DLG2: variants seen among roughly 807,000 people sequenced by gnomAD.
DLG2 encodes discs large MAGUK scaffold protein 2.
Under a neutral mutation model 132.5 loss-of-function variants are expected in DLG2, and 45 were observed. The ratio of observed to expected loss-of-function variants is 0.34; its 90% CI spans 0.27 to 0.44. DLG2 has a LOEUF of 0.44. Among genes scored for constraint, DLG2 ranks in the 20% least tolerant of loss-of-function variants. The pLI is 1.00. For missense variants in DLG2, 1,045 were observed against 1,196.9 expected (o/e 0.87, Z 1.87); for synonymous variants, 424 against 419.6 (o/e 1.01, Z -0.13).
At chr11:84,293,022 T>A (rs2098028070) in intron 7 of DLG2, among the ~76,000 whole-genome samples, 1 of 152,144 alleles carries the variant, frequency 6.6e-6, no homozygotes, top group Non-Finnish European at 1.5e-5. Flanking sequence ...GGTTTAAAGT[T>A]GGTCAGTGAG....
chr11:84,148,407 C>T (rs924838895), intron 9 of DLG2, among the ~76,000 whole-genome samples: 8 of 152,042 alleles, frequency 5.3e-5, no homozygotes, highest in South Asian at 2.1e-4. Flanking sequence ...CCCCAGTTAT[C>T]TATTGTTCCC....
At chr11:84,296,424 A>G (rs2098089468) in intron 7 of DLG2, among the ~76,000 whole-genome samples, 1 of 152,148 alleles carries the variant, frequency 6.6e-6, no homozygotes, top group Non-Finnish European at 1.5e-5. Context: ...GATGTGTTCC[A>G]GAGATGTACT....
chr11:84,118,931 GC>G (rs1313613144), intron 9 of DLG2, among the ~76,000 whole-genome samples: 6 of 152,118 alleles, frequency 3.9e-5, no homozygotes, highest in Non-Finnish European at 7.4e-5. Context: ...GCCACATTCT[GC>G]CACTTTCAAT....
Position 83,459,821 on chromosome 11 carries a change from T to C in DLG2, c.2925A>G (p.Leu975=). ...TGTCAGAGGCGCAGTAGCTAATTTA[T>C]AACTTTTCCTTTGAGGGAATCCAGA... The part of the protein sequence containing the change: ...PFIWIPSKEK[L] The change falls in exon 28 of 28, where the codon TTA becomes TTG. Residue 975 remains leucine, a synonymous_variant. Transcript: ENST00000376104. The C allele has an allele frequency of 3.2e-6, 5 of 1,585,328 alleles. No homozygotes were observed. The highest frequency in any genetic ancestry group is 4.3e-6 in the Non-Finnish European group (5 of 1,153,712).
At chr11:85,531,061 T>C (rs1388831470) in intron 3 of DLG2, among the ~76,000 whole-genome samples, 1 of 152,200 alleles carries the variant, frequency 6.6e-6, no homozygotes, top group African/African-American at 2.4e-5. Flanking sequence ...TAAATGAAAA[T>C]AGAAGAAACT....
chr11:83,624,133 A>C (rs1474354145), intron 19 of DLG2, among the ~76,000 whole-genome samples: 1 of 152,188 alleles, frequency 6.6e-6, no homozygotes, highest in African/African-American at 2.4e-5. Context: ...AGTCTAGCAG[A>C]GTGTGAGGTA....
Position 84,714,526 on chromosome 11 carries a change from CCTCTTT to C in DLG2, c.358-179801_358-179796del, listed in dbSNP as rs71036438. On this transcript the variant is annotated intron_variant, in intron 6 of 27. Coordinates refer to ENST00000376104, the MANE Select transcript of DLG2 (RefSeq NM_001142699.3). ...GAGGCTGGGAGCCCACAACCCATTTCCTCTTTCTCTTTCTCTTTCTCTTTCTCTCTC... is the reference window on the plus strand; with the variant it reads ...GAGGCTGGGAGCCCACAACCCATTTCCTCTTTCTCTTTCTCTTTCTCTCTC... Among the ~76,000 whole-genome samples, 397 of 133,736 alleles carry C rather than the reference CCTCTTT, an allele frequency of 3.0e-3. 5 individuals are homozygous for C. Among genetic ancestry groups the C allele is most frequent in the Middle Eastern group, 0.025 (7 of 282 alleles). 87.7% of individuals were successfully genotyped at this position (133,736 alleles called of 152,430 possible). A position where few individuals can be genotyped will look rare whatever the true frequency, so the allele number is the denominator to read the frequency against.
intron 9 of DLG2, among the ~76,000 whole-genome samples, chr11:84,122,439 A>C (rs974379097): frequency 3.9e-5 from 6 of 152,206 alleles, no homozygotes; most frequent in African/African-American, 1.2e-4. Context: ...CTGATTAGTC[A>C]ACTGATGACC....
intron 15 of DLG2, among the ~76,000 whole-genome samples, chr11:83,883,413 T>C (rs1489844253): frequency 6.6e-6 from 1 of 152,244 alleles, no homozygotes; most frequent in East Asian, 1.9e-4. Flanking sequence ...TCATCCATAC[T>C]TTCCATGCTG....
intron 19 of DLG2, among the ~76,000 whole-genome samples, chr11:83,566,113 G>C (rs1209469674): frequency 6.6e-6 from 1 of 152,216 alleles, no homozygotes; most frequent in African/African-American, 2.4e-5. Flanking sequence ...TTTCCCAGAA[G>C]AAGGGTACAC....
chr11:85,613,347 C>T (rs1218163675), intron 2 of DLG2, among the ~76,000 whole-genome samples: 1 of 152,176 alleles, frequency 6.6e-6, no homozygotes, highest in Non-Finnish European at 1.5e-5. Flanking sequence ...AAAGAGTTAA[C>T]CTCTGGAGGA....
At chr11:85,060,850 T>C (rs1052253620) in intron 6 of DLG2, among the ~76,000 whole-genome samples, 1 of 151,786 alleles carries the variant, frequency 6.6e-6, no homozygotes, top group Admixed American at 6.6e-5. Flanking sequence ...TGTTATCTTC[T>C]GGGTTTTTCT....
intron 9 of DLG2, among the ~76,000 whole-genome samples, chr11:84,159,832 T>G (rs2095507608): frequency 6.6e-6 from 1 of 152,168 alleles, no homozygotes; most frequent in Non-Finnish European, 1.5e-5. Flanking sequence ...AAGATCTGAC[T>G]GATTTTGTAA....
chr11:85,165,077 AC>A (rs1418672173), intron 4 of DLG2, among the ~76,000 whole-genome samples: 1 of 152,204 alleles, frequency 6.6e-6, no homozygotes, highest in Non-Finnish European at 1.5e-5. Context: ...GATCTAGTTA[AC>A]AAATGTTAAA....
At chr11:84,601,332 G>A (rs2099576159) in intron 6 of DLG2, among the ~76,000 whole-genome samples, 1 of 152,026 alleles carries the variant, frequency 6.6e-6, no homozygotes. Context: ...ATGTAATTAA[G>A]AAGCATTAGG....
chr11:85,175,491 C>T (rs1184515292), intron 4 of DLG2, among the ~76,000 whole-genome samples: 1 of 152,044 alleles, frequency 6.6e-6, no homozygotes, highest in Non-Finnish European at 1.5e-5. Context: ...ACATGACAAA[C>T]CCCCAGCCAA....
At chr11:85,245,431 G>A (rs2076085490) in intron 4 of DLG2, among the ~76,000 whole-genome samples, 1 of 151,748 alleles carries the variant, frequency 6.6e-6, no homozygotes, top group African/African-American at 2.4e-5. Context: ...CCATAGCCAA[G>A]GTATTAGGAA....
At position 83,742,210 on chromosome 11, in the gene DLG2, A is replaced by ACCACACACACACACAC. The variant is rs71463182; in HGVS notation, c.1825+44479_1825+44480insGTGTGTGTGTGTGTGG. Among the ~76,000 whole-genome samples the ACCACACACACACACAC allele has an allele frequency of 3.9e-3, 574 of 147,100 alleles. 4 individuals are homozygous for ACCACACACACACACAC. Among genetic ancestry groups the ACCACACACACACACAC allele is most frequent in the African/African-American group, 0.014 (544 of 39,980 alleles). ...AGAGAGTAAATTTTACCACACTTTT[A>ACCACACACACACACAC]ACACACACACACACACACACACACA... On this transcript the variant is annotated intron_variant, in intron 18 of 27. Transcript: ENST00000376104.
chr11:85,590,936 T>C (rs983887163), intron 3 of DLG2, among the ~76,000 whole-genome samples: 3 of 152,138 alleles, frequency 2.0e-5, no homozygotes, highest in African/African-American at 7.2e-5. Context: ...AAATAAAAGA[T>C]TTTTTTCCTA....
Sources: allele counts gnomAD v4.1 joint callset (sites outside exome capture counted in the v4.1 genomes callset), GRCh38; gene constraint gnomAD v4.1.1; transcripts MANE v1.5; gene names NCBI Gene and HGNC (gene_info 2026-07-23, HGNC 2026-07-21).